UNC5B: variants seen among roughly 807,000 people sequenced by gnomAD.
The protein encoded by UNC5B is netrin receptor UNC5B.
In UNC5B, 56 loss-of-function variants were observed where a neutral mutation model predicts 103.7. That is an observed-to-expected ratio of 0.54 (90% confidence interval 0.44 to 0.67). UNC5B has a LOEUF of 0.67. Ranked by LOEUF, UNC5B falls within the 30% of genes least tolerant of loss-of-function variation. The probability of loss-of-function intolerance (pLI) is 0.00; values close to 1 mark genes in which losing one functional copy is unlikely to be tolerated. For synonymous variants in UNC5B, 577 were observed against 542.0 expected (o/e 1.06, Z -0.90); for missense variants, 1,194 against 1,284.5 (o/e 0.93, Z 1.08).
chr10:71,271,083 AG>A, intron 1 of UNC5B, among the ~76,000 whole-genome samples: 1 of 151,728 alleles, frequency 6.6e-6, no homozygotes, highest in Non-Finnish European at 1.5e-5. Context: ...TCGGTTTGGG[AG>A]GGGCAGGTCC....
At chr10:71,271,367 G>T (rs963903137) in intron 1 of UNC5B, among the ~76,000 whole-genome samples, 3 of 152,240 alleles carry the variant, frequency 2.0e-5, no homozygotes, top group African/African-American at 7.2e-5. Context: ...CTTATTATCT[G>T]CAGGAGCATG....
chr10:71,245,432 T>G (rs561357277), intron 1 of UNC5B, among the ~76,000 whole-genome samples: 1 of 152,316 alleles, frequency 6.6e-6, no homozygotes, highest in Non-Finnish European at 1.5e-5. Flanking sequence ...CTATCAGGTC[T>G]TCTTTAGCAG....
In UNC5B at chr10:71,292,537, C is replaced by A; in HGVS notation, c.1755C>A (p.Asn585Lys). 6.2e-7 allele frequency: 1 copy of A among 1,604,546 alleles called. No homozygotes were observed. The highest frequency in any genetic ancestry group is 2.2e-5 in the East Asian group (1 of 44,730). The change falls in exon 11 of 17, where the codon AAC becomes AAA. Residue 585 changes from asparagine to lysine, a missense_variant. By Grantham distance (94) the Asn-to-Lys change is moderately conservative. Transcript: ENST00000335350. ...GKFYEMYLLI[N>K]KAESTLPLSE... ...TCTACGAGATGTATCTACTCATCAACAAGGCAGAAAGTACCCTGTGAGTAG... is the reference window on the plus strand; with the variant it reads ...TCTACGAGATGTATCTACTCATCAAAAAGGCAGAAAGTACCCTGTGAGTAG...
chr10:71,295,722 G>A, intron 13 of UNC5B, 89 bp from the exon 14 acceptor site: 1 of 1,502,106 alleles, frequency 6.7e-7, no homozygotes, highest in Middle Eastern at 2.4e-4. Flanking sequence ...ACTCAGATGG[G>A]CCCCTGCCCC....
At chr10:71,219,391 C>G (rs538349762) in intron 1 of UNC5B, among the ~76,000 whole-genome samples, 1 of 152,240 alleles carries the variant, frequency 6.6e-6, no homozygotes, top group African/African-American at 2.4e-5. Flanking sequence ...GTTCCAAAAC[C>G]GAAGAACTTC....
At chr10:71,297,820 C>A (rs1845480637) in intron 15 of UNC5B, 89 bp from the exon 16 acceptor site, 5 of 1,395,128 alleles carry the variant, frequency 3.6e-6, no homozygotes, top group African/African-American at 2.9e-5. Flanking sequence ...TGACTCAAGG[C>A]TCAATGAGCT....
chr10:71,245,290 T>C (rs973395517), intron 1 of UNC5B, among the ~76,000 whole-genome samples: 1 of 152,244 alleles, frequency 6.6e-6, no homozygotes, highest in Non-Finnish European at 1.5e-5. Flanking sequence ...GCCTCAGCAC[T>C]GTCCCAGACC....
chr10:71,217,039 G>A (rs1843344881), intron 1 of UNC5B, among the ~76,000 whole-genome samples: 1 of 152,350 alleles, frequency 6.6e-6, no homozygotes, highest in South Asian at 2.1e-4. Context: ...TGGGAGCCTG[G>A]GCCCAGGGAA....
chr10:71,260,469 G>A (rs1844391658), intron 1 of UNC5B, among the ~76,000 whole-genome samples: 1 of 152,200 alleles, frequency 6.6e-6, no homozygotes, highest in African/African-American at 2.4e-5. Flanking sequence ...TCCGGTCCAG[G>A]CCCAGTGCTG....
Position 71,278,719 on chromosome 10 carries a change from G to A in UNC5B, c.80-1102G>A, listed in dbSNP as rs4415678. 3.9e-5 allele frequency among the ~76,000 whole-genome samples: 6 copies of A among 152,144 alleles called. No individual in the cohort carries two copies. The South Asian group carries it at 8.3e-4, about 21-fold the overall frequency. The stretch of plus-strand genomic sequence containing the variant: ...ACACAGGCCTCCCGGGACACCACCC[G>A]CTCCCCTCCCTCCGCTGTAGGTGGG... On this transcript the variant is annotated intron_variant, in intron 1 of 16. Coordinates refer to ENST00000335350, the MANE Select transcript of UNC5B (RefSeq NM_170744.5).
At chr10:71,243,186 G>A (rs1041934617) in intron 1 of UNC5B, among the ~76,000 whole-genome samples, 1 of 152,160 alleles carries the variant, frequency 6.6e-6, no homozygotes, top group African/African-American at 2.4e-5. Flanking sequence ...AGTGAACTCA[G>A]ATCTCATCAC....
chr10:71,237,817 A>C (rs890658243), intron 1 of UNC5B, among the ~76,000 whole-genome samples: 2 of 152,194 alleles, frequency 1.3e-5, no homozygotes, highest in African/African-American at 4.8e-5. Flanking sequence ...GCTCACCTTA[A>C]GGCAAGTGGA....
intron 1 of UNC5B, among the ~76,000 whole-genome samples, chr10:71,255,625 G>A (rs2132275147): frequency 6.6e-6 from 1 of 152,330 alleles, no homozygotes; most frequent in African/African-American, 2.4e-5. Flanking sequence ...GTCAGATCTG[G>A]AATGAGCGGA....
intron 1 of UNC5B, among the ~76,000 whole-genome samples, chr10:71,227,703 C>CATATATACATAT (rs1382854607): frequency 4.5e-5 from 5 of 111,468 alleles, no homozygotes; most frequent in Non-Finnish European, 8.9e-5. Flanking sequence ...TATATACACA[C>CATATATACATAT]ATATACACAC....
At chr10:71,295,649 G>A (rs924931789) in intron 13 of UNC5B, among the ~76,000 whole-genome samples, 162 bp from the exon 14 acceptor site, 8 of 152,022 alleles carry the variant, frequency 5.3e-5, no homozygotes, top group Admixed American at 4.6e-4. Flanking sequence ...CTATCCATCC[G>A]TCATCTATTC....
chr10:71,291,484 C>A lies in UNC5B; in HGVS notation c.1347C>A (p.Ala449=). The change falls in exon 10 of 17, where the codon GCC becomes GCA. Residue 449 remains alanine (A), a synonymous_variant. Transcript: ENST00000335350. ...PSVPPDLTAS[A]GIYRGPVYAL... Reference sequence around the variant, plus strand: ...TGCCTCCTGACCTGACAGCCAGCGCCGGCATCTACCGCGGACCCGTGTATG... The same window carrying A: ...TGCCTCCTGACCTGACAGCCAGCGCAGGCATCTACCGCGGACCCGTGTATG... 6.2e-7 allele frequency: 1 copy of A among 1,613,998 alleles called. No homozygotes were observed. Among genetic ancestry groups the A allele is most frequent in the Non-Finnish European group, 8.5e-7 (1 of 1,179,964 alleles).
chr10:71,289,835 G>A (rs548666021), intron 8 of UNC5B, among the ~76,000 whole-genome samples: 241 of 152,348 alleles, frequency 1.6e-3, no homozygotes, highest in Non-Finnish European at 2.6e-3. Context: ...GACAGAAGTC[G>A]GAAGTGGGCA....
chr10:71,249,020 C>T (rs1844113899), intron 1 of UNC5B, among the ~76,000 whole-genome samples: 1 of 152,276 alleles, frequency 6.6e-6, no homozygotes, highest in East Asian at 1.9e-4. Context: ...CCAGGTGATC[C>T]CAAACATAGC....
In UNC5B at chr10:71,292,468, G is replaced by A. The variant is rs1479715451; in HGVS notation, c.1686G>A (p.Gly562=). The A allele has an allele frequency of 1.3e-6, 2 of 1,592,224 alleles. No homozygotes were observed. The highest frequency in any genetic ancestry group is 1.3e-5 in the African/African-American group (1 of 74,844). Residue 562 remains glycine (G), a splice_region_variant and synonymous_variant, in exon 11 of 17, where the codon GGG becomes GGA. Transcript: ENST00000335350. ...CTGCTGACTTCCCTCTCCCCCTAGG[G>A]GTCAGCTTGCTGGTGCCCAATGGAG... ...LGGRLSIPGT[G]VSLLVPNGAI... is the part of the protein sequence containing the mutation.
Sources: gnomAD v4.1 joint callset for allele counts (sites outside exome capture counted in the v4.1 genomes callset) on GRCh38, gnomAD v4.1.1 for gene constraint, MANE v1.5 for transcripts, NCBI Gene and HGNC (gene_info 2026-07-23, HGNC 2026-07-21) for gene names.